The following FHAD1 variants were observed in gnomAD, a reference collection of about 807,000 sequenced individuals.
FHAD1 encodes forkhead-associated domain-containing protein 1.
A neutral mutation model predicts 191.3 loss-of-function variants in FHAD1; 146 were observed. The ratio of observed to expected loss-of-function variants is 0.76; its 90% CI spans 0.67 to 0.88. The LOEUF is 0.88. Ranked by LOEUF, FHAD1 falls within the 40% of genes least tolerant of loss-of-function variation. FHAD1 has a pLI of 0.00. For missense variants in FHAD1, 1,635 were observed against 1,785.8 expected, an observed-to-expected ratio of 0.92 and a Z score of 1.52; for synonymous variants, 616 against 672.3, an observed-to-expected ratio of 0.92 and a Z score of 1.29.
chr1:15,364,765 T>C (rs555346287), intron 23 of FHAD1, among the ~76,000 whole-genome samples: 25 of 152,258 alleles, frequency 1.6e-4, no homozygotes, highest in Non-Finnish European at 1.5e-5. Flanking sequence ...AGCACACACA[T>C]GACCTATCTC....
intron 12 of FHAD1, 41 bp from the exon 13 acceptor site, chr1:15,328,236 T>G: frequency 6.9e-7 from 1 of 1,442,486 alleles, no homozygotes. Context: ...CCCTGTATGT[T>G]ACATCTTTTT....
rs1304841543 is a variant in FHAD1, at chr1:15,360,721, C to T, written c.2962+18C>T. On this transcript the variant is annotated intron_variant, in intron 22 of 33. Transcript: ENST00000688493. ...TGACCCAGGTAAGTCCGAAGGGAGG[C>T]CAAGGAAATCTTAGTGTTCGGGGCA... The T allele has an allele frequency of 2.6e-6, 4 of 1,545,038 alleles. No homozygotes were observed. The highest frequency in any genetic ancestry group is 1.7e-4 in the Middle Eastern group (1 of 6,006).
At chr1:15,295,111 T>C (rs1666490356) in intron 4 of FHAD1, among the ~76,000 whole-genome samples, 1 of 152,166 alleles carries the variant, frequency 6.6e-6, no homozygotes, top group Admixed American at 6.5e-5. Flanking sequence ...ATTTACTGCA[T>C]AATGGTTATG....
At chr1:15,256,458 G>A (rs1246919797) in intron 2 of FHAD1, among the ~76,000 whole-genome samples, 1 of 151,986 alleles carries the variant, frequency 6.6e-6, no homozygotes, top group Non-Finnish European at 1.5e-5. Context: ...TTCGAGACCA[G>A]CCTGGCCATC....
intron 1 of FHAD1, among the ~76,000 whole-genome samples, chr1:15,251,227 A>T (rs1258430660): frequency 6.6e-6 from 1 of 151,040 alleles, no homozygotes; most frequent in African/African-American, 2.4e-5. Flanking sequence ...GTGAGCCAAG[A>T]TTGCTCACTG....
At chr1:15,248,825 T>A (rs1646418667) in intron 1 of FHAD1, among the ~76,000 whole-genome samples, 1 of 152,156 alleles carries the variant, frequency 6.6e-6, no homozygotes, top group African/African-American at 2.4e-5. Context: ...TGACCTCAGG[T>A]GATCCGTCCA....
At chr1:15,331,649 AGGAAGGCAGGAG>A (rs774108002) in intron 14 of FHAD1, among the ~76,000 whole-genome samples, 6,629 of 148,708 alleles carry the variant, frequency 0.045, 189 homozygotes, top group South Asian at 0.057. Flanking sequence ...GAAGGCAGGA[AGGAAGGCAGGAG>A]GGAAGGCAGG....
At chr1:15,280,574 G>C (rs7519153) in intron 3 of FHAD1, among the ~76,000 whole-genome samples, 1 of 152,076 alleles carries the variant, frequency 6.6e-6, no homozygotes, top group South Asian at 2.1e-4. Context: ...AACAGAACAC[G>C]GACGACCCGG....
chr1:15,269,421 G>T (rs1201473200), intron 2 of FHAD1, among the ~76,000 whole-genome samples: 1 of 152,178 alleles, frequency 6.6e-6, no homozygotes, highest in Middle Eastern at 3.2e-3. Context: ...TTCACCGTGT[G>T]TTATTTAGAA....
At chr1:15,362,609 C>A (rs1246538058) in intron 22 of FHAD1, 33 bp from the exon 23 acceptor site, 20 of 1,515,944 alleles carry the variant, frequency 1.3e-5, no homozygotes, top group Non-Finnish European at 1.7e-5. Flanking sequence ...GGACAGTTTC[C>A]TCTCACAATG....
Position 15,296,682 on chromosome 1 carries a change from A to T in FHAD1, c.569-2A>T, listed in dbSNP as rs549836891. ...GTGCTCTCTGCTGATCTCACGCCTT[A>T]GTGTGGACCAATGCCATGAAACTGT... On this transcript the variant is annotated splice_acceptor_variant, in intron 4 of 33. Coordinates refer to ENST00000688493, the MANE Select transcript of FHAD1 (RefSeq NM_001391957.1). LOFTEE classifies it high-confidence loss of function. 1.3e-6 allele frequency: 2 copies of T among 1,551,844 alleles called. No homozygotes were observed. The highest frequency in any genetic ancestry group is 1.7e-6 in the Non-Finnish European group (2 of 1,146,736).
chr1:15,289,595 C>T lies in FHAD1; in HGVS notation c.497C>T (p.Pro166Leu), dbSNP rs945291224. The T allele has an allele frequency of 1.7e-5, 26 of 1,551,640 alleles. No homozygotes were observed. The highest frequency in any genetic ancestry group is 2.1e-5 in the Non-Finnish European group (24 of 1,147,006). Residue 166 changes from proline (P) to leucine (L), a missense_variant, in exon 4 of 34, where the codon CCT becomes CTT. By Grantham distance (98) the Pro-to-Leu change is moderately conservative. Coordinates refer to ENST00000688493, the MANE Select transcript of FHAD1 (RefSeq NM_001391957.1). This position sits in a 1 kb window ranked among gnomAD's most constrained non-coding sequence, Gnocchi z 4.2. ...TVVLPASHRR[P>L]VSANKEMFSF... ...GTCCTGCCGGCCTCCCACAGGCGGCCTGTGAGCGCCAACAAGGAGATGTTC... is the reference window on the plus strand; with the variant it reads ...GTCCTGCCGGCCTCCCACAGGCGGCTTGTGAGCGCCAACAAGGAGATGTTC...
chr1:15,341,723 T>C lies in FHAD1; in HGVS notation c.1978-13T>C. Reference sequence around the variant, plus strand: ...TCCCCCATCAGCATCGGTTTACTTTTCTCACATTTCAGATCAAGTTCAACA... The same window carrying C: ...TCCCCCATCAGCATCGGTTTACTTTCCTCACATTTCAGATCAAGTTCAACA... On this transcript the variant is annotated splice_polypyrimidine_tract_variant and intron_variant, in intron 15 of 33. Coordinates refer to ENST00000688493, the MANE Select transcript of FHAD1 (RefSeq NM_001391957.1). 2 of 1,545,480 alleles carry C rather than the reference T, an allele frequency of 1.3e-6. No homozygotes were observed. The highest frequency in any genetic ancestry group is 1.7e-6 in the Non-Finnish European group (2 of 1,143,718).
intron 32 of FHAD1, 41 bp from the exon 33 acceptor site, chr1:15,391,169 A>C: frequency 8.8e-7 from 1 of 1,133,452 alleles, no homozygotes; most frequent in Non-Finnish European, 1.1e-6. Context: ...GGCAAAGAGG[A>C]ATCTAAGCTA....
chr1:15,349,175 C>T (rs2102422515), intron 19 of FHAD1, 26 bp downstream of exon 19: 1 of 1,498,528 alleles, frequency 6.7e-7, no homozygotes, highest in East Asian at 2.5e-5. Flanking sequence ...GGAAAGAATC[C>T]TCTGGAAGGA....
chr1:15,258,338 G>T lies in FHAD1; in HGVS notation c.93+6461G>T, dbSNP rs138670272. Reference sequence around the variant, plus strand: ...AGGTTCCTCATAGACTATACTATACGCTGAATCGTATAGTACGTGTCTTTT... The same window carrying T: ...AGGTTCCTCATAGACTATACTATACTCTGAATCGTATAGTACGTGTCTTTT... On this transcript the variant is annotated intron_variant, in intron 2 of 33. Transcript: ENST00000688493. Among the ~76,000 whole-genome samples the T allele has an allele frequency of 1.4e-3, 208 of 152,170 alleles. 2 individuals carry two copies. Among genetic ancestry groups the T allele is most frequent in the Non-Finnish European group, 5.4e-4 (37 of 68,016 alleles).
intron 2 of FHAD1, 143 bp downstream of exon 2, chr1:15,252,020 A>G (rs1646843313): frequency 1.4e-6 from 1 of 705,618 alleles, no homozygotes; most frequent in Non-Finnish European, 2.4e-6. Flanking sequence ...GTGTGCTACC[A>G]ATAGCCAGTT....
chr1:15,323,450 G>A (rs182776355), intron 10 of FHAD1, among the ~76,000 whole-genome samples: 5 of 152,300 alleles, frequency 3.3e-5, no homozygotes, highest in Admixed American at 3.3e-4. Context: ...AGCTTAGCCG[G>A]CCTTCCCGGG....
intron 15 of FHAD1, among the ~76,000 whole-genome samples, chr1:15,341,220 C>T (rs1686537990): frequency 6.6e-6 from 1 of 152,088 alleles, no homozygotes; most frequent in East Asian, 1.9e-4. Flanking sequence ...ACCTTATTTA[C>T]AAAAGTATGC....
Sources: gnomAD v4.1 joint callset for allele counts (sites outside exome capture counted in the v4.1 genomes callset) on GRCh38, gnomAD v4.1.1 for gene constraint, Gnocchi (gnomAD v3.1) non-coding constraint, MANE v1.5 for transcripts, NCBI Gene and HGNC (gene_info 2026-07-23, HGNC 2026-07-21) for gene names.